Variants in SETD2 observed in about 807,000 individuals in gnomAD.
SETD2 encodes the protein SET domain containing 2, histone lysine methyltransferase.
SETD2 carries 31 observed loss-of-function variants against 242.1 expected under a neutral mutation model. The observed-to-expected ratio is 0.13, with a 90% CI of 0.10 to 0.17. The LOEUF is 0.17. Among genes scored for constraint, SETD2 ranks in the 10% least tolerant of loss-of-function variants. SETD2 has a pLI of 1.00. For missense variants in SETD2, 2,481 were observed against 3,046.3 expected (o/e 0.81, Z 4.37); for synonymous variants, 1,006 against 1,066.5 (o/e 0.94, Z 1.11).
At position 47,111,070 on chromosome 3, in the gene SETD2, T is replaced by C. The variant is rs2042628273; in HGVS notation, c.4715+2806A>G. ...GTAAGAGAGGCTTGTGTCCAAACTGTGGTTCCTTTAAAAAAAAAAAAAAAA... is the reference window on the plus strand; with the variant it reads ...GTAAGAGAGGCTTGTGTCCAAACTGCGGTTCCTTTAAAAAAAAAAAAAAAA... On this transcript the variant is annotated intron_variant, in intron 5 of 20. Transcript: ENST00000409792. Among the ~76,000 whole-genome samples, 7 of 101,192 alleles carry C rather than the reference T, an allele frequency of 6.9e-5. No individual in the cohort carries two copies. The South Asian group carries it at 2.4e-3, about 35-fold the overall frequency. The allele number at this position is 101,192 out of a possible 152,430, so 66.4% of individuals were successfully genotyped here. A position where few individuals can be genotyped will look rare whatever the true frequency, so the allele number is the denominator to read the frequency against.
At chr3:47,075,951 T>C (rs1254350278) in intron 12 of SETD2, among the ~76,000 whole-genome samples, 1 of 152,224 alleles carries the variant, frequency 6.6e-6, no homozygotes, top group East Asian at 1.9e-4. Flanking sequence ...TTTCTTCATA[T>C]TTTCATTCAC....
intron 12 of SETD2, among the ~76,000 whole-genome samples, chr3:47,068,673 T>A (rs1290209976): frequency 6.6e-6 from 1 of 152,112 alleles, no homozygotes; most frequent in Non-Finnish European, 1.5e-5. Context: ...ATTTTTGTAT[T>A]TTTAGTAAAG....
chr3:47,048,594 T>C (rs1036019998), intron 15 of SETD2, among the ~76,000 whole-genome samples: 1 of 152,216 alleles, frequency 6.6e-6, no homozygotes, highest in African/African-American at 2.4e-5. Flanking sequence ...TAACTTACTA[T>C]AACTTTTTTA....
chr3:47,065,055 C>T (rs915654624), intron 13 of SETD2, among the ~76,000 whole-genome samples: 3 of 151,976 alleles, frequency 2.0e-5, no homozygotes, highest in African/African-American at 4.8e-5. Flanking sequence ...TATGGAGAAA[C>T]GCTCATAGGT....
intron 1 of SETD2, among the ~76,000 whole-genome samples, chr3:47,146,810 T>G (rs1157175820): frequency 6.6e-6 from 1 of 151,412 alleles, no homozygotes; most frequent in Non-Finnish European, 1.5e-5. Context: ...TACTGGCGTT[T>G]GCCTGTGGTC....
At position 47,123,941 on chromosome 3, in the gene SETD2, T is replaced by A. The variant is rs1452709845; in HGVS notation, c.695A>T (p.Asp232Val). 5 of 1,551,642 alleles carry A rather than the reference T, an allele frequency of 3.2e-6. No individual in the cohort carries two copies. The highest frequency in any genetic ancestry group is 4.4e-6 in the Non-Finnish European group (5 of 1,146,606). ...TTCTTTCAGAGATCTAACTGCTACA[T>A]CTACTGGTAAGGGTACTGGTGCTGC... ...LMAAPVPLPV[D>V]VAVRSLKEPP... Residue 232 changes from aspartate to valine, a missense_variant, in exon 3 of 21, where the codon GAT becomes GTT. By Grantham distance (152) the Asp-to-Val change is radical. Coordinates refer to ENST00000409792, the MANE Select transcript of SETD2 (RefSeq NM_014159.7).
chr3:47,038,484 G>A (rs548333924), intron 17 of SETD2, among the ~76,000 whole-genome samples: 3 of 152,052 alleles, frequency 2.0e-5, no homozygotes, highest in East Asian at 3.9e-4. Context: ...TCGTGGTGGC[G>A]GGCGCCTGTA....
In SETD2 at chr3:47,103,434, A is replaced by C; in HGVS notation, c.4840-11T>G. The C allele has an allele frequency of 6.3e-7, 1 of 1,579,292 alleles. No individual in the cohort carries two copies. On this transcript the variant is annotated splice_polypyrimidine_tract_variant and intron_variant, in intron 6 of 20. Coordinates refer to ENST00000409792, the MANE Select transcript of SETD2 (RefSeq NM_014159.7). Reference sequence around the variant, plus strand: ...AGTGGCATCTATTATCTGGGAGAAGAGGATCATTTAAGAATTAAAAAATAA... The same window carrying C: ...AGTGGCATCTATTATCTGGGAGAAGCGGATCATTTAAGAATTAAAAAATAA...
chr3:47,059,052 G>A (rs968941804), intron 14 of SETD2, among the ~76,000 whole-genome samples: 4 of 149,890 alleles, frequency 2.7e-5, no homozygotes, highest in African/African-American at 7.4e-5. Context: ...CTCGTGATCC[G>A]CCTGCTTCAA....
chr3:47,139,876 C>T (rs1304641101), intron 1 of SETD2, among the ~76,000 whole-genome samples: 1 of 152,172 alleles, frequency 6.6e-6, no homozygotes, highest in Non-Finnish European at 1.5e-5. Flanking sequence ...CATGAGTAGA[C>T]TTGATATACA....
chr3:47,101,080 T>C (rs1215827120), intron 8 of SETD2, among the ~76,000 whole-genome samples: 1 of 144,754 alleles, frequency 6.9e-6, no homozygotes, highest in African/African-American at 2.6e-5. Context: ...ATGGTACAGA[T>C]GAAATAGACT....
At chr3:47,151,122 A>AT (rs1315847496) in intron 1 of SETD2, among the ~76,000 whole-genome samples, 1 of 152,080 alleles carries the variant, frequency 6.6e-6, no homozygotes, top group Non-Finnish European at 1.5e-5. Context: ...AGAGAAGAAC[A>AT]TATTCTATAA....
At chr3:47,094,902 C>T (rs909542548) in intron 9 of SETD2, among the ~76,000 whole-genome samples, 5 of 152,170 alleles carry the variant, frequency 3.3e-5, no homozygotes, top group Non-Finnish European at 5.9e-5. Flanking sequence ...CTGAAATTGG[C>T]ACACTATTAC....
chr3:47,023,199 G>C (rs1038739221), intron 18 of SETD2, among the ~76,000 whole-genome samples: 2 of 152,092 alleles, frequency 1.3e-5, no homozygotes, highest in African/African-American at 4.8e-5. Context: ...AGGAGTTCGA[G>C]ACCAGCCTGG....
intron 18 of SETD2, among the ~76,000 whole-genome samples, chr3:47,030,681 T>C (rs982161374): frequency 1.1e-4 from 17 of 152,276 alleles, no homozygotes; most frequent in African/African-American, 4.1e-4. Context: ...AAAAAGATAA[T>C]TATATTTTTA....
chr3:47,128,023 A>G (rs1272511057), intron 1 of SETD2, among the ~76,000 whole-genome samples: 2 of 152,172 alleles, frequency 1.3e-5, no homozygotes, highest in Non-Finnish European at 2.9e-5. Flanking sequence ...ACAAAATAAC[A>G]TAGAATAATA....
intron 18 of SETD2, among the ~76,000 whole-genome samples, chr3:47,022,266 T>A (rs2107500185): frequency 6.7e-6 from 1 of 150,254 alleles, no homozygotes; most frequent in Non-Finnish European, 1.5e-5. Flanking sequence ...GACTCATGCC[T>A]GTAATCCCAG....
chr3:47,110,052 C>T (rs942325870), intron 5 of SETD2, among the ~76,000 whole-genome samples: 1 of 150,232 alleles, frequency 6.7e-6, no homozygotes, highest in Non-Finnish European at 1.5e-5. Flanking sequence ...TACAAAATAT[C>T]GTATACCCAT....
chr3:47,150,211 T>C (rs1218907840), intron 1 of SETD2, among the ~76,000 whole-genome samples: 1 of 151,832 alleles, frequency 6.6e-6, no homozygotes, highest in Non-Finnish European at 1.5e-5. Context: ...AATTTATCTT[T>C]TGTATTTTAG....
Sources: allele counts gnomAD v4.1 joint callset (sites outside exome capture counted in the v4.1 genomes callset), GRCh38; gene constraint gnomAD v4.1.1; transcripts MANE v1.5; gene names NCBI Gene and HGNC (gene_info 2026-07-23, HGNC 2026-07-21).